The following SLC9C2 variants were observed in gnomAD, a reference collection of about 807,000 sequenced individuals.
SLC9C2 encodes the protein sodium/hydrogen exchanger 11.
A neutral mutation model predicts 140.2 loss-of-function variants in SLC9C2; 75 were observed. The observed-to-expected ratio is 0.53, with a 90% CI of 0.44 to 0.65. The LOEUF is 0.65. SLC9C2 is among the 30% of genes least tolerant of loss of function. The pLI, the probability that SLC9C2 is intolerant of heterozygous loss-of-function variation, is 0.00. For missense variants in SLC9C2, 1,074 were observed against 1,331.8 expected, an observed-to-expected ratio of 0.81 and a Z score of 3.01; for synonymous variants, 375 against 420.9, an observed-to-expected ratio of 0.89 and a Z score of 1.34.
chr1:173,534,890 G>C (rs528490167), intron 15 of SLC9C2, among the ~76,000 whole-genome samples: 1 of 151,766 alleles, frequency 6.6e-6, no homozygotes, highest in Non-Finnish European at 1.5e-5. Context: ...ATCCATATCA[G>C]GGATGAGAAG....
chr1:173,537,144 C>A, intron 13 of SLC9C2, 105 bp from the exon 14 acceptor site: 1 of 782,162 alleles, frequency 1.3e-6, no homozygotes, highest in South Asian at 1.7e-5. Context: ...CTCAATATAT[C>A]AAAATATGCC....
At chr1:173,576,090 G>A (rs1448922239) in intron 8 of SLC9C2, among the ~76,000 whole-genome samples, 1 of 152,152 alleles carries the variant, frequency 6.6e-6, no homozygotes, top group Non-Finnish European at 1.5e-5. Flanking sequence ...TTCATCTGAT[G>A]TGGGAATTTC....
intron 7 of SLC9C2, among the ~76,000 whole-genome samples, chr1:173,577,100 T>C (rs1220707509): frequency 6.6e-6 from 1 of 152,244 alleles, no homozygotes; most frequent in Non-Finnish European, 1.5e-5. Context: ...TCACATAATT[T>C]TCATATGCCA....
chr1:173,524,737 T>A, intron 20 of SLC9C2, 42 bp downstream of exon 20: 1 of 1,604,536 alleles, frequency 6.2e-7, no homozygotes, highest in South Asian at 1.1e-5. Flanking sequence ...AAAGTAACCA[T>A]GAAGGCTGGG....
rs111716775 is a variant in SLC9C2 at position 173,524,883 on chromosome 1, T to C, written c.2410A>G (p.Thr804Ala). 6.2e-7 allele frequency: 1 copy of C among 1,614,124 alleles called. No homozygotes were observed. Among genetic ancestry groups the C allele is most frequent in the Non-Finnish European group, 8.5e-7 (1 of 1,179,992 alleles). Residue 804 changes from threonine to alanine, a missense_variant, in exon 20 of 28, where the codon ACT becomes GCT. Transcript: ENST00000367714. Reference sequence around the variant, plus strand: ...ATCACATTCCGGATTGCCTGTTTAGTCTTCAAAGCAATGACAACATCACGA... The same window carrying C: ...ATCACATTCCGGATTGCCTGTTTAGCCTTCAAAGCAATGACAACATCACGA... The part of the protein sequence containing the change: ...EGRDVVIALK[T>A]KQAIRNVIAK...
At chr1:173,505,655 C>T (rs1255422699) in intron 25 of SLC9C2, among the ~76,000 whole-genome samples, 3 of 152,328 alleles carry the variant, frequency 2.0e-5, no homozygotes, top group East Asian at 3.9e-4. Context: ...GGGCTCAAGG[C>T]TCAGCATTCC....
intron 4 of SLC9C2, among the ~76,000 whole-genome samples, chr1:173,592,630 T>C (rs904208800): frequency 5.9e-5 from 9 of 152,196 alleles, no homozygotes; most frequent in Non-Finnish European, 1.2e-4. Flanking sequence ...GTGAATGAGA[T>C]TGCATTCCTA....
rs1661815732 is a variant in SLC9C2, at chr1:173,534,666, T to C, written c.1792A>G (p.Thr598Ala). The change falls in exon 16 of 28, where the codon ACT (threonine) becomes GCT (alanine). Residue 598 changes from threonine (T) to alanine (A), a missense_variant. Coordinates refer to ENST00000367714, the MANE Select transcript of SLC9C2 (RefSeq NM_178527.4). The stretch of plus-strand genomic sequence containing the variant: ...GAAAATACTATGTGAAATATAAAAG[T>C]CAGAAATGTATTACTCCTGAAAAGA... ...FIPPESNTFLTFIFHIVFSEE... is the reference protein window; with the variant it reads ...FIPPESNTFLAFIFHIVFSEE... 1.3e-6 allele frequency: 2 copies of C among 1,519,522 alleles called. No individual in the cohort carries two copies. The highest frequency in any genetic ancestry group is 2.4e-5 in the East Asian group (1 of 40,926). The allele number at this position is 1,519,522 out of a possible 1,614,324, so 94.1% of individuals were successfully genotyped here. A position where few individuals can be genotyped will look rare whatever the true frequency, so the allele number is the denominator to read the frequency against.
intron 27 of SLC9C2, among the ~76,000 whole-genome samples, chr1:173,501,668 G>A (rs376402194): frequency 4.0e-5 from 6 of 151,610 alleles, no homozygotes; most frequent in African/African-American, 1.2e-4. Context: ...CCACCACCAC[G>A]CCCAGCTAAT....
At chr1:173,514,951 C>A (rs1405595998) in intron 23 of SLC9C2, among the ~76,000 whole-genome samples, 1 of 152,106 alleles carries the variant, frequency 6.6e-6, no homozygotes, top group South Asian at 2.1e-4. Context: ...ACTGAAAATT[C>A]TTTTCTTTAA....
At chr1:173,598,841 T>A (rs1666592523) in intron 3 of SLC9C2, among the ~76,000 whole-genome samples, 1 of 152,188 alleles carries the variant, frequency 6.6e-6, no homozygotes, top group Non-Finnish European at 1.5e-5. Flanking sequence ...TGATGGTATT[T>A]CAGAAGATTA....
chr1:173,589,648 C>T (rs138351328), intron 4 of SLC9C2, among the ~76,000 whole-genome samples: 93 of 151,972 alleles, frequency 6.1e-4, no homozygotes, highest in African/African-American at 2.1e-3. Context: ...CCATTTTGTC[C>T]GAATTTTTAA....
rs370265172 is a variant in SLC9C2, at chr1:173,524,836, G to A, written c.2457C>T (p.Leu819=). 1 of 1,614,070 alleles carries A rather than the reference G, an allele frequency of 6.2e-7. No individual in the cohort carries two copies. Among genetic ancestry groups the A allele is most frequent in the South Asian group, 1.1e-5 (1 of 91,078 alleles). The stretch of plus-strand genomic sequence containing the variant: ...TAATGCCTCTTGAACAAAGGAAGGT[G>A]AGATTTTTTAGAGCTTTAGCAATCA... ...RNVIAKALKN[L]TFLCSRGIID... The change falls in exon 20 of 28, where the codon CTC becomes CTT. Residue 819 remains leucine (L), a synonymous_variant. Coordinates refer to ENST00000367714, the MANE Select transcript of SLC9C2 (RefSeq NM_178527.4).
At chr1:173,551,413 T>C (rs1271736479) in intron 11 of SLC9C2, among the ~76,000 whole-genome samples, 1 of 152,238 alleles carries the variant, frequency 6.6e-6, no homozygotes, top group Admixed American at 6.5e-5. Flanking sequence ...CTTATCTCAT[T>C]GTGCTTTACC....
chr1:173,589,783 T>C (rs936107371), intron 4 of SLC9C2, among the ~76,000 whole-genome samples: 2 of 152,086 alleles, frequency 1.3e-5, no homozygotes, highest in African/African-American at 4.8e-5. Context: ...GTTAAAAATG[T>C]TTATGATTCA....
At chr1:173,514,825 G>A (rs1410017337) in intron 23 of SLC9C2, among the ~76,000 whole-genome samples, 2 of 152,068 alleles carry the variant, frequency 1.3e-5, no homozygotes, top group Non-Finnish European at 2.9e-5. Flanking sequence ...CTTCCTTCAG[G>A]AGCTCTTGCA....
intron 3 of SLC9C2, among the ~76,000 whole-genome samples, chr1:173,598,388 A>G (rs1028187451): frequency 2.0e-4 from 30 of 152,298 alleles, no homozygotes; most frequent in African/African-American, 6.7e-4. Context: ...TTAGATGTTT[A>G]TTTCAATTTG....
intron 17 of SLC9C2, among the ~76,000 whole-genome samples, chr1:173,532,974 G>A (rs1323166263): frequency 6.6e-6 from 1 of 152,106 alleles, no homozygotes; most frequent in Admixed American, 6.5e-5. Flanking sequence ...AGTACTGTGG[G>A]GCAAAAATTA....
At chr1:173,562,409 A>C (rs1394986933) in intron 9 of SLC9C2, among the ~76,000 whole-genome samples, 2 of 152,242 alleles carry the variant, frequency 1.3e-5, no homozygotes, top group African/African-American at 4.8e-5. Flanking sequence ...AAGATTATTA[A>C]TTTTAAATAT....
Sources: gnomAD v4.1 joint callset for allele counts (sites outside exome capture counted in the v4.1 genomes callset) on GRCh38, gnomAD v4.1.1 for gene constraint, MANE v1.5 for transcripts, NCBI Gene and HGNC (gene_info 2026-07-23, HGNC 2026-07-21) for gene names.